The following DENND5A variants were observed in gnomAD, a reference collection of about 807,000 sequenced individuals.
DENND5A encodes the protein DENN domain containing 5A.
DENND5A carries 64 observed loss-of-function variants against 140.3 expected under a neutral mutation model. The observed-to-expected ratio is 0.46, with a 90% CI of 0.37 to 0.56. DENND5A has a LOEUF of 0.56. Among genes scored for constraint, DENND5A ranks in the 20% least tolerant of loss-of-function variants. The pLI, the probability that DENND5A is intolerant of heterozygous loss-of-function variation, is 0.00. For synonymous variants in DENND5A, 605 were observed against 607.7 expected, an observed-to-expected ratio of 1.00 and a Z score of 0.07; for missense variants, 1,292 against 1,593.8, an observed-to-expected ratio of 0.81 and a Z score of 3.22.
intron 8 of DENND5A, among the ~76,000 whole-genome samples, chr11:9,177,485 CAAA>C (rs538149647): frequency 1.7e-4 from 24 of 143,468 alleles, no homozygotes; most frequent in Middle Eastern, 3.6e-3. Flanking sequence ...CTTGTCTCCA[CAAA>C]AAAAAAAAAT....
rs541547535 is a variant in DENND5A at position 9,180,282 on chromosome 11, C to T, written c.1455+485G>A. On this transcript the variant is annotated intron_variant, in intron 6 of 22. Coordinates refer to ENST00000328194, the MANE Select transcript of DENND5A (RefSeq NM_015213.4). Reference sequence around the variant, plus strand: ...AGCTGAGCAACATAGTGAGACCCTGCCTCTACAAAAAAAAAATAATAATAA... The same window carrying T: ...AGCTGAGCAACATAGTGAGACCCTGTCTCTACAAAAAAAAAATAATAATAA... 4.5e-4 allele frequency among the ~76,000 whole-genome samples: 68 copies of T among 150,754 alleles called. No homozygotes were observed. In the South Asian group the frequency reaches 9.2e-3, roughly 20 times the overall value.
At chr11:9,177,721 T>TAAA (rs35643161) in intron 8 of DENND5A, among the ~76,000 whole-genome samples, 2 of 144,864 alleles carry the variant, frequency 1.4e-5, no homozygotes, top group African/African-American at 2.5e-5. Flanking sequence ...TGACATCATT[T>TAAA]AAAAAAAAAA....
At chr11:9,186,693 G>A (rs1053592266) in intron 5 of DENND5A, among the ~76,000 whole-genome samples, 2 of 152,190 alleles carry the variant, frequency 1.3e-5, no homozygotes, top group African/African-American at 4.8e-5. Flanking sequence ...ACATTTCAGA[G>A]ATGAATTAGA....
intron 1 of DENND5A, among the ~76,000 whole-genome samples, chr11:9,236,165 G>T (rs910965336): frequency 2.6e-5 from 4 of 151,310 alleles, no homozygotes; most frequent in African/African-American, 9.7e-5. Context: ...CGAGGCTGCA[G>T]TGAGCCATGT....
In DENND5A at chr11:9,265,016, G is replaced by A. The variant is rs955579428; in HGVS notation, c.54C>T (p.Tyr18=). Residue 18 remains tyrosine (Y), a synonymous_variant, in exon 1 of 23, where the codon TAC becomes TAT. Coordinates refer to ENST00000328194, the MANE Select transcript of DENND5A (RefSeq NM_015213.4). This position sits in a 1 kb window ranked among gnomAD's most constrained non-coding sequence, Gnocchi z 4.7. The part of the protein sequence containing the change: ...GGSAPSRFAD[Y]FVICGLDTET... ...CCGTGTCCAGTCCGCAGATGACAAA[G>A]TAGTCGGCGAAGCGACTGGGCGCCG... 1 of 1,582,992 alleles carries A rather than the reference G, an allele frequency of 6.3e-7. No homozygotes were observed. Among genetic ancestry groups the A allele is most frequent in the African/African-American group, 1.4e-5 (1 of 71,928 alleles).
chr11:9,208,707 A>C (rs1849772740), intron 1 of DENND5A, among the ~76,000 whole-genome samples: 1 of 152,230 alleles, frequency 6.6e-6, no homozygotes, highest in Non-Finnish European at 1.5e-5. Flanking sequence ...TTCTGTTATT[A>C]AAAGCAAGTG....
intron 1 of DENND5A, among the ~76,000 whole-genome samples, chr11:9,256,384 T>A (rs1364008168): frequency 6.6e-6 from 1 of 151,358 alleles, no homozygotes; most frequent in Non-Finnish European, 1.5e-5. Context: ...CACTTGAACC[T>A]GGGAGGCGGA....
intron 1 of DENND5A, among the ~76,000 whole-genome samples, chr11:9,244,119 T>G (rs992572537): frequency 2.6e-5 from 4 of 152,284 alleles, no homozygotes; most frequent in African/African-American, 9.6e-5. Flanking sequence ...AACCCCCAAC[T>G]TGGTTCAAGA....
At chr11:9,214,317 G>C (rs1447605411) in intron 1 of DENND5A, among the ~76,000 whole-genome samples, 1 of 152,128 alleles carries the variant, frequency 6.6e-6, no homozygotes, top group Non-Finnish European at 1.5e-5. Flanking sequence ...ACAAATCAGA[G>C]GGCATCACCT....
chr11:9,208,581 AG>A (rs1849768462), intron 1 of DENND5A, among the ~76,000 whole-genome samples: 1 of 152,218 alleles, frequency 6.6e-6, no homozygotes, highest in Non-Finnish European at 1.5e-5. Flanking sequence ...CCAGTCAGAA[AG>A]TTACTGCTTT....
intron 21 of DENND5A, among the ~76,000 whole-genome samples, 154 bp from the exon 22 acceptor site, chr11:9,142,262 G>T (rs1847271444): frequency 6.6e-6 from 1 of 152,176 alleles, no homozygotes; most frequent in South Asian, 2.1e-4. Context: ...GTTTCAAAAT[G>T]ATCCTTAGCT....
rs1198246692 is a variant in DENND5A at position 9,139,429 on chromosome 11, A to G, written c.*242T>C. 2 of 481,940 alleles carry G rather than the reference A, an allele frequency of 4.1e-6. No homozygotes were observed. The highest frequency in any genetic ancestry group is 7.5e-6 in the Non-Finnish European group (2 of 268,066). 29.9% of individuals were successfully genotyped at this position (481,940 alleles called of 1,614,324 possible). Reference sequence around the variant, plus strand: ...GGCGAGGGAGGGCACCAGCTTCAAAATAAGCGGCACCAGCCTCGCTCCCTC... The same window carrying G: ...GGCGAGGGAGGGCACCAGCTTCAAAGTAAGCGGCACCAGCCTCGCTCCCTC... On this transcript the variant is annotated 3_prime_UTR_variant, in exon 23 of 23. Transcript: ENST00000328194.
At chr11:9,231,360 A>G (rs1158054916) in intron 1 of DENND5A, among the ~76,000 whole-genome samples, 1 of 152,172 alleles carries the variant, frequency 6.6e-6, no homozygotes, top group African/African-American at 2.4e-5. Context: ...ATTTCAAACC[A>G]CAACTTATAA....
chr11:9,214,969 T>C (rs2136227067), intron 1 of DENND5A, among the ~76,000 whole-genome samples: 1 of 152,180 alleles, frequency 6.6e-6, no homozygotes, highest in African/African-American at 2.4e-5. Context: ...AGTGGTCCAT[T>C]GTCCACCTTG....
intron 1 of DENND5A, among the ~76,000 whole-genome samples, chr11:9,254,072 C>T (rs182236089): frequency 1.3e-5 from 2 of 150,748 alleles, no homozygotes; most frequent in East Asian, 2.0e-4. Context: ...AGGAGAATCG[C>T]TTGAACCCGG....
intron 1 of DENND5A, among the ~76,000 whole-genome samples, chr11:9,243,517 T>G (rs951050397): frequency 2.6e-5 from 4 of 152,286 alleles, no homozygotes; most frequent in Admixed American, 2.0e-4. Flanking sequence ...CTCTTCCTCT[T>G]CAGCCTACTC....
intron 1 of DENND5A, among the ~76,000 whole-genome samples, chr11:9,262,409 T>C (rs866871420): frequency 2.4e-4 from 36 of 152,342 alleles, no homozygotes; most frequent in Middle Eastern, 3.4e-3. Flanking sequence ...CTTAGTTTCT[T>C]TTACTGAGAA....
intron 12 of DENND5A, among the ~76,000 whole-genome samples, 153 bp from the exon 13 acceptor site, chr11:9,152,595 T>C (rs1300684325): frequency 6.6e-6 from 1 of 152,186 alleles, no homozygotes; most frequent in African/African-American, 2.4e-5. Context: ...TATATCAATT[T>C]ACTAAAATCC....
intron 7 of DENND5A, among the ~76,000 whole-genome samples, 190 bp downstream of exon 7, chr11:9,178,668 C>T (rs1848625513): frequency 6.6e-6 from 1 of 152,182 alleles, no homozygotes; most frequent in East Asian, 1.9e-4. Context: ...GGTAAATCGT[C>T]TGATAATAAT....
Sources: allele counts gnomAD v4.1 joint callset (sites outside exome capture counted in the v4.1 genomes callset), GRCh38; gene constraint gnomAD v4.1.1; non-coding constraint Gnocchi (gnomAD v3.1); transcripts MANE v1.5; gene names NCBI Gene and HGNC (gene_info 2026-07-23, HGNC 2026-07-21).